The following EIF2D variants were observed in gnomAD, a reference collection of about 807,000 sequenced individuals.
EIF2D encodes the protein eukaryotic translation initiation factor 2D, also known as hepatocellular carcinoma-associated antigen 56.
A neutral mutation model predicts 77.4 loss-of-function variants in EIF2D; 56 were observed. That is an observed-to-expected ratio of 0.72 (90% CI 0.58 to 0.90). The LOEUF is 0.90. Ranked by LOEUF, EIF2D falls within the 40% of genes least tolerant of loss-of-function variation. The pLI is 0.00. For synonymous variants in EIF2D, 230 were observed against 271.0 expected, an observed-to-expected ratio of 0.85 and a Z score of 1.49; for missense variants, 574 against 706.5, an observed-to-expected ratio of 0.81 and a Z score of 2.13.
intron 1 of EIF2D, 87 bp downstream of exon 1, chr1:206,612,200 G>T: frequency 6.3e-7 from 1 of 1,579,856 alleles, no homozygotes; most frequent in Non-Finnish European, 8.7e-7. Flanking sequence ...CGAGGATGTC[G>T]GCCAAGAATA....
intron 2 of EIF2D, chr1:206,583,438 G>T: frequency 8.6e-7 from 1 of 1,162,736 alleles, no homozygotes; most frequent in East Asian, 2.4e-5. Context: ...CGGGTTTGGC[G>T]CCTCTGCCCT....
intron 2 of EIF2D, chr1:206,585,671 GT>G: frequency 6.0e-6 from 1 of 167,468 alleles, no homozygotes; most frequent in Non-Finnish European, 1.3e-5. Context: ...GGGTATAGAC[GT>G]TTTTGAGCCA....
intron 4 of EIF2D, among the ~76,000 whole-genome samples, chr1:206,578,233 A>AAGTGTGT (rs1444904780): frequency 2.6e-5 from 3 of 117,494 alleles, no homozygotes; most frequent in Non-Finnish European, 3.7e-5. Flanking sequence ...AAAAAAAAAA[A>AAGTGTGT]GTGTGTGTGT....
chr1:206,605,225 T>A, intron 5 of EIF2D, 175 bp downstream of exon 5: 1 of 509,856 alleles, frequency 2.0e-6, no homozygotes, highest in East Asian at 3.0e-5. Context: ...TCTCATTACT[T>A]GTCCAAACAG....
intron 4 of EIF2D, among the ~76,000 whole-genome samples, chr1:206,575,451 C>A (rs960749613): frequency 1.2e-4 from 19 of 152,144 alleles, no homozygotes; most frequent in African/African-American, 4.6e-4. Flanking sequence ...AATGCGTAGA[C>A]CGGCTTGGGC....
downstream of EIF2D, among the ~76,000 whole-genome samples, chr1:206,569,915 A>G (rs1668394693): frequency 6.6e-6 from 1 of 152,116 alleles, no homozygotes; most frequent in Admixed American, 6.5e-5. Context: ...ATGGAGGCCC[A>G]GTTGCTTAGA....
intron 5 of EIF2D, chr1:206,603,406 T>A (rs1254100965): frequency 5.1e-6 from 3 of 589,080 alleles, no homozygotes; most frequent in Non-Finnish European, 8.7e-6. Flanking sequence ...AGTTTCTTCA[T>A]CTCTGAAATG....
chr1:206,587,245 A>G (rs575552298), downstream of EIF2D: 9 of 422,202 alleles, frequency 2.1e-5, no homozygotes, highest in East Asian at 4.5e-4. Context: ...CTCGATCTGC[A>G]AGCCTTTCAC....
chr1:206,602,291 G>C (rs1168494272), intron 7 of EIF2D, 45 bp downstream of exon 7: 1 of 1,531,004 alleles, frequency 6.5e-7, no homozygotes, highest in Non-Finnish European at 9.0e-7. Context: ...GAGCACACGT[G>C]AGACCCCGGC....
chr1:206,580,733 TG>T (rs1221419848), exon 4 of EIF2D: 5 of 152,198 alleles, frequency 3.3e-5, no homozygotes, highest in Non-Finnish European at 5.9e-5. Context: ...TGCCCTTGGG[TG>T]GTCTGCAACA....
Position 206,597,114 on chromosome 1 carries a change from G to A in EIF2D, c.1374C>T (p.Asp458=). 1 of 1,613,924 alleles carries A rather than the reference G, an allele frequency of 6.2e-7. No individual in the cohort carries two copies. The highest frequency in any genetic ancestry group is 1.1e-5 in the South Asian group (1 of 91,090). ...EQHTVMKLPW[D]SLLTRCLEKL... is the part of the protein sequence containing the mutation. Reference sequence around the variant, plus strand: ...ATGCTCGTTACCTGGTCAGAAGACTGTCCCATGGAAGCTTCATGACTGTAT... The same window carrying A: ...ATGCTCGTTACCTGGTCAGAAGACTATCCCATGGAAGCTTCATGACTGTAT... The change falls in exon 12 of 15, where the codon GAC becomes GAT. Residue 458 remains aspartate, a synonymous_variant. Coordinates refer to ENST00000271764, the MANE Select transcript of EIF2D (RefSeq NM_006893.3).
At chr1:206,572,769 A>G (rs1173508959) in intron 4 of EIF2D, 2 of 152,228 alleles carry the variant, frequency 1.3e-5, no homozygotes, top group Non-Finnish European at 1.5e-5. Context: ...ATATTGATGT[A>G]TTTGTCTTTA....
chr1:206,590,862 C>T (rs116490459), downstream of EIF2D, among the ~76,000 whole-genome samples: 1,076 of 152,204 alleles, frequency 7.1e-3, 10 homozygotes, highest in African/African-American at 0.025. Flanking sequence ...GGAATTTAGC[C>T]CAGTTCTCCC....
chr1:206,600,468 T>A, intron 7 of EIF2D, 160 bp from the exon 8 acceptor site: 1 of 625,980 alleles, frequency 1.6e-6, no homozygotes, highest in Middle Eastern at 3.3e-4. Flanking sequence ...CAGAGAGGGA[T>A]GCAGACTATG....
chr1:206,603,160 G>A lies in EIF2D; in HGVS notation c.575C>T (p.Ala192Val). The change falls in exon 6 of 15, where the codon GCC (alanine) becomes GTC (valine). Residue 192 changes from alanine (A) to valine (V), a missense_variant. Ala to Val is a moderately conservative substitution (Grantham distance 64). Transcript: ENST00000271764. ...KSSPPSIAPLALDSADLSEEK... is the reference protein window; with the variant it reads ...KSSPPSIAPLVLDSADLSEEK... ...TTCACTGAGATCTGCTGAATCCAGG[G>A]CCAGTGGAGCAATGGAAGGTGGAGA... 1 of 1,614,104 alleles carries A rather than the reference G, an allele frequency of 6.2e-7. No homozygotes were observed. The highest frequency in any genetic ancestry group is 8.5e-7 in the Non-Finnish European group (1 of 1,180,024).
chr1:206,579,737 T>A lies in EIF2D; in HGVS notation c.*254+955A>T, dbSNP rs1352809627. Among the ~76,000 whole-genome samples, 1 of 152,208 alleles carries A rather than the reference T, an allele frequency of 6.6e-6. No individual in the cohort carries two copies. Among genetic ancestry groups the A allele is most frequent in the Non-Finnish European group, 1.5e-5 (1 of 68,042 alleles). ...TCTCCAGGGATGAAGCCCAGGCAGC[T>A]AAGTTTCTAAAGATCCCCCAGATGA... is the stretch of plus-strand genomic sequence containing the variant. On this transcript the variant is annotated intron_variant and NMD_transcript_variant, in intron 4 of 5. Transcript: ENST00000472709. This position sits in a 1 kb window ranked among gnomAD's most constrained non-coding sequence, Gnocchi z 4.2.
Position 206,585,153 on chromosome 1 carries a change from C to T in EIF2D, c.139-3991G>A, listed in dbSNP as rs1290274059. Reference sequence around the variant, plus strand: ...CCCCGCCCTTCTTTTCTGGGAAGAGCTCCCAGCACCCTCTCTTGGTTTGCA... The same window carrying T: ...CCCCGCCCTTCTTTTCTGGGAAGAGTTCCCAGCACCCTCTCTTGGTTTGCA... On this transcript the variant is annotated intron_variant and NMD_transcript_variant, in intron 2 of 5. Coordinates refer to the EIF2D transcript ENST00000472709. 3 of 1,568,104 alleles carry T rather than the reference C, an allele frequency of 1.9e-6. No individual in the cohort carries two copies. The East Asian group carries it at 6.7e-5, about 35-fold the overall frequency.
chr1:206,581,596 AAAAG>A (rs200979291), intron 2 of EIF2D, among the ~76,000 whole-genome samples: 10 of 150,742 alleles, frequency 6.6e-5, no homozygotes, highest in African/African-American at 1.7e-4. Flanking sequence ...GAGACGAAAG[AAAAG>A]AAAGAAAGAA....
rs576500589 is a variant in EIF2D at position 206,576,471 on chromosome 1, C to T, written c.*255-3772G>A. 7.2e-5 allele frequency among the ~76,000 whole-genome samples: 11 copies of T among 152,312 alleles called. No homozygotes were observed. In the South Asian group the frequency reaches 2.3e-3, roughly 32 times the overall value. On this transcript the variant is annotated intron_variant and NMD_transcript_variant, in intron 4 of 5. Coordinates refer to the EIF2D transcript ENST00000472709. ...AAGGAAGTGCCCAAGCCTTTGTCTT[C>T]TTGTGAAAAGTGTCCATGAAATGAG...
Sources: gnomAD v4.1 joint callset for allele counts (sites outside exome capture counted in the v4.1 genomes callset) on GRCh38, gnomAD v4.1.1 for gene constraint, Gnocchi (gnomAD v3.1) non-coding constraint, MANE v1.5 for transcripts, NCBI Gene and HGNC (gene_info 2026-07-23, HGNC 2026-07-21) for gene names.